ESRRG: variants seen among roughly 807,000 people sequenced by gnomAD.
ESRRG encodes the protein estrogen related receptor gamma, also known as estrogen-related receptor gamma.
A neutral mutation model predicts 44.0 loss-of-function variants in ESRRG; 13 were observed. The ratio of observed to expected loss-of-function variants is 0.30; its 90% CI spans 0.19 to 0.47. The LOEUF is 0.47. Among genes scored for constraint, ESRRG ranks in the 20% least tolerant of loss-of-function variants. The pLI, the probability that ESRRG is intolerant of heterozygous loss-of-function variation, is 1.00. For missense variants in ESRRG, 395 were observed against 580.6 expected (o/e 0.68, Z 3.29); for synonymous variants, 215 against 214.6 (o/e 1.00, Z -0.02).
chr1:216,990,222 G>A (rs555157755), intron 1 of ESRRG, among the ~76,000 whole-genome samples: 1 of 152,256 alleles, frequency 6.6e-6, no homozygotes, highest in East Asian at 1.9e-4. Flanking sequence ...AAAAATGGAT[G>A]CTGATCAATG....
chr1:216,819,361 C>A (rs1169370188), intron 2 of ESRRG, among the ~76,000 whole-genome samples: 4 of 137,546 alleles, frequency 2.9e-5, no homozygotes, highest in Admixed American at 1.5e-4. Flanking sequence ...CAAATCCTTC[C>A]TATTCTTTAA....
intron 6 of ESRRG, among the ~76,000 whole-genome samples, chr1:216,516,668 C>CAGAGAGAGAG (rs869054150): frequency 8.7e-5 from 12 of 137,248 alleles, no homozygotes; most frequent in African/African-American, 3.5e-4. Flanking sequence ...CACACACACA[C>CAGAGAGAGAG]AGAGAGAGAG....
chr1:216,828,977 A>T (rs2095441976), intron 2 of ESRRG, among the ~76,000 whole-genome samples: 1 of 152,216 alleles, frequency 6.6e-6, no homozygotes, highest in Admixed American at 6.5e-5. Flanking sequence ...CATTACACAG[A>T]GAAGGGTCTC....
chr1:216,973,859 G>A (rs1578902866), intron 1 of ESRRG, among the ~76,000 whole-genome samples: 1 of 150,688 alleles, frequency 6.6e-6, no homozygotes, highest in East Asian at 1.9e-4. Flanking sequence ...AAGGATGAAT[G>A]AATGAATAGA....
At chr1:217,006,874 C>T (rs927913548) in intron 1 of ESRRG, among the ~76,000 whole-genome samples, 1 of 152,008 alleles carries the variant, frequency 6.6e-6, no homozygotes, top group Non-Finnish European at 1.5e-5. Context: ...AGGCATGCTC[C>T]ACCTGTATTT....
intron 1 of ESRRG, among the ~76,000 whole-genome samples, chr1:216,962,273 G>A (rs2069251664): frequency 6.6e-6 from 1 of 152,186 alleles, no homozygotes; most frequent in Non-Finnish European, 1.5e-5. Flanking sequence ...CATTGCCTAA[G>A]TACTACTGAA....
At chr1:216,635,123 A>G (rs947116325) in intron 3 of ESRRG, among the ~76,000 whole-genome samples, 5 of 152,208 alleles carry the variant, frequency 3.3e-5, no homozygotes, top group South Asian at 4.1e-4. Context: ...ATCAAAGGAT[A>G]TAAGTGCCAC....
chr1:216,533,664 T>C (rs776944462), intron 5 of ESRRG, among the ~76,000 whole-genome samples: 25 of 152,128 alleles, frequency 1.6e-4, no homozygotes, highest in South Asian at 6.2e-4. Flanking sequence ...AACTCGATAA[T>C]AGGCAGGGTA....
At chr1:217,059,943 CTGGG>C (rs1002355143) in intron 1 of ESRRG, among the ~76,000 whole-genome samples, 3 of 151,942 alleles carry the variant, frequency 2.0e-5, no homozygotes, top group African/African-American at 4.8e-5. Context: ...AGGATGCACA[CTGGG>C]TGACAAATGT....
At position 216,723,326 on chromosome 1, in the gene ESRRG, A is replaced by C. The variant is rs1412807720; in HGVS notation, c.-27T>G. On this transcript the variant is annotated 5_prime_UTR_variant, in exon 1 of 7. Coordinates refer to ENST00000408911, the MANE Select transcript of ESRRG (RefSeq NM_001438.4). ...TGCGACCGGCAACCATTATTTGTGC[A>C]CCCCAGCTATAAATCAAAGTTTCCT... 1.9e-6 allele frequency: 3 copies of C among 1,612,046 alleles called. No homozygotes were observed. Among genetic ancestry groups the C allele is most frequent in the Non-Finnish European group, 2.5e-6 (3 of 1,178,144 alleles).
intron 2 of ESRRG, among the ~76,000 whole-genome samples, chr1:216,886,078 G>T (rs1157765417): frequency 6.6e-6 from 1 of 151,604 alleles, no homozygotes; most frequent in Admixed American, 6.6e-5. Flanking sequence ...TTTTATTTTT[G>T]AATTGCTAGA....
chr1:217,021,181 C>T (rs754362546), intron 1 of ESRRG, among the ~76,000 whole-genome samples: 8 of 152,126 alleles, frequency 5.3e-5, no homozygotes, highest in Non-Finnish European at 1.0e-4. Flanking sequence ...CTGTTCCTCA[C>T]GTTCACAGAC....
intron 2 of ESRRG, among the ~76,000 whole-genome samples, chr1:216,796,029 G>T (rs1200075516): frequency 6.6e-6 from 1 of 152,174 alleles, no homozygotes; most frequent in Non-Finnish European, 1.5e-5. Flanking sequence ...GGGCCTGTGA[G>T]GCCTGGGGCT....
chr1:216,535,545 A>G lies in ESRRG; in HGVS notation c.863-16124T>C, dbSNP rs113772873. On this transcript the variant is annotated intron_variant, in intron 5 of 6. Coordinates refer to ENST00000408911, the MANE Select transcript of ESRRG (RefSeq NM_001438.4). ...TTCCCTTCTTGTCTGTAGCAGGACT[A>G]ATTCTTAACACCTTCTCACTTGTCT... Among the ~76,000 whole-genome samples the G allele has an allele frequency of 8.4e-3, 1,279 of 152,214 alleles. 16 individuals carry two copies. Among genetic ancestry groups the G allele is most frequent in the Middle Eastern group, 0.044 (13 of 294 alleles).
chr1:216,877,768 C>G lies in ESRRG; in HGVS notation c.-14+61814G>C, dbSNP rs574814027. Among the ~76,000 whole-genome samples, 14 of 152,144 alleles carry G rather than the reference C, an allele frequency of 9.2e-5. No individual in the cohort carries two copies. In the South Asian group the frequency reaches 1.0e-3, roughly 11 times the overall value. On this transcript the variant is annotated intron_variant, in intron 2 of 7. Transcript: ENST00000359162. ...TGTAAATGGTATTGTGTTGTGTAATCCATTATGTTTCCTTATTTTTTTCAT... is the reference window on the plus strand; with the variant it reads ...TGTAAATGGTATTGTGTTGTGTAATGCATTATGTTTCCTTATTTTTTTCAT...
intron 2 of ESRRG, among the ~76,000 whole-genome samples, chr1:216,872,857 G>A (rs1442510244): frequency 6.6e-6 from 1 of 152,048 alleles, no homozygotes; most frequent in African/African-American, 2.4e-5. Flanking sequence ...GTTTTTCTTA[G>A]GCCAAATAAT....
At chr1:217,063,060 C>T (rs928356588) in intron 1 of ESRRG, among the ~76,000 whole-genome samples, 11 of 152,044 alleles carry the variant, frequency 7.2e-5, no homozygotes, top group South Asian at 2.1e-4. Context: ...TCTGGGACTT[C>T]GGGGTTTTAT....
chr1:216,667,413 C>T (rs1357913007), intron 2 of ESRRG, among the ~76,000 whole-genome samples: 2 of 152,044 alleles, frequency 1.3e-5, no homozygotes, highest in Non-Finnish European at 1.5e-5. Flanking sequence ...AGGCCGGGTG[C>T]AGTGGCTCAT....
At position 216,897,362 on chromosome 1, in the gene ESRRG, A is replaced by C. The variant is rs563005756; in HGVS notation, c.-14+42220T>G. Among the ~76,000 whole-genome samples, 7 of 152,328 alleles carry C rather than the reference A, an allele frequency of 4.6e-5. No individual in the cohort carries two copies. The East Asian group carries it at 1.4e-3, about 29-fold the overall frequency. On this transcript the variant is annotated intron_variant, in intron 2 of 7. Coordinates refer to the ESRRG transcript ENST00000359162. ...TCACCTTGTGAAGTGTTTAAGATTCAGAGTCCTGAGCCACCCTGAGAGATC... is the reference window on the plus strand; with the variant it reads ...TCACCTTGTGAAGTGTTTAAGATTCCGAGTCCTGAGCCACCCTGAGAGATC...
Sources: allele counts gnomAD v4.1 joint callset (sites outside exome capture counted in the v4.1 genomes callset), GRCh38; gene constraint gnomAD v4.1.1; transcripts MANE v1.5; gene names NCBI Gene and HGNC (gene_info 2026-07-23, HGNC 2026-07-21).